The following BABAM2 variants were observed in gnomAD, a reference collection of about 807,000 sequenced individuals.
BABAM2 encodes the protein BRISC and BRCA1-A complex member 2.
In BABAM2, 31 loss-of-function variants were observed where a neutral mutation model predicts 54.7. The ratio of observed to expected loss-of-function variants is 0.57; its 90% CI spans 0.43 to 0.77. The LOEUF (loss-of-function observed/expected upper bound fraction) is 0.77. BABAM2 is among the 30% of genes least tolerant of loss of function. The pLI is 0.00. For synonymous variants in BABAM2, 167 were observed against 162.9 expected (o/e 1.03, Z -0.19); for missense variants, 364 against 455.8 (o/e 0.80, Z 1.83).
chr2:27,899,142 G>T (rs1034832566), intron 2 of BABAM2, among the ~76,000 whole-genome samples: 2 of 152,016 alleles, frequency 1.3e-5, no homozygotes, highest in Admixed American at 6.6e-5. Context: ...CATCAACCAG[G>T]AATGTTCATT....
chr2:28,213,946 TAA>T (rs374210606), intron 7 of BABAM2, among the ~76,000 whole-genome samples: 1 of 146,588 alleles, frequency 6.8e-6, no homozygotes, highest in African/African-American at 2.5e-5. Context: ...TAACTTGCTT[TAA>T]AAAAAAAAAA....
chr2:28,288,962 GTT>G (rs763643477), intron 10 of BABAM2, among the ~76,000 whole-genome samples: 1 of 132,580 alleles, frequency 7.5e-6, no homozygotes, highest in Admixed American at 7.5e-5. Flanking sequence ...GTGGGTTGTT[GTT>G]TTTTTTTTTT....
intron 7 of BABAM2, among the ~76,000 whole-genome samples, chr2:28,134,204 C>CA (rs11321296): frequency 1.0e-4 from 11 of 107,014 alleles, no homozygotes; most frequent in African/African-American, 3.7e-4. Flanking sequence ...GTGAGTTATG[C>CA]AAAAAAAAAA....
intron 2 of BABAM2, among the ~76,000 whole-genome samples, chr2:27,900,826 A>G (rs1415747982): frequency 2.0e-5 from 3 of 152,140 alleles, no homozygotes; most frequent in South Asian, 2.1e-4. Flanking sequence ...GGCATATCAC[A>G]AGGTCAGGAG....
intron 7 of BABAM2, among the ~76,000 whole-genome samples, chr2:28,146,259 C>A (rs887993792): frequency 3.3e-5 from 5 of 152,110 alleles, no homozygotes; most frequent in African/African-American, 1.2e-4. Context: ...TGATGATATT[C>A]TTTGAAGTCA....
chr2:27,985,979 G>A (rs1672369006), intron 3 of BABAM2, among the ~76,000 whole-genome samples: 1 of 152,104 alleles, frequency 6.6e-6, no homozygotes, highest in African/African-American at 2.4e-5. Context: ...ATTTATTAGG[G>A]TAGGCTTCAT....
At chr2:28,071,832 T>C (rs1344837854) in intron 6 of BABAM2, among the ~76,000 whole-genome samples, 1 of 152,232 alleles carries the variant, frequency 6.6e-6, no homozygotes, top group Non-Finnish European at 1.5e-5. Context: ...GGTTTCAACT[T>C]ACTGCAATTC....
intron 6 of BABAM2, among the ~76,000 whole-genome samples, chr2:28,086,402 G>T (rs1218818727): frequency 2.6e-5 from 4 of 151,922 alleles, no homozygotes; most frequent in Non-Finnish European, 5.9e-5. Context: ...AATTAATTTA[G>T]ACCTCAACGT....
rs147547063 is a variant in BABAM2 at position 28,252,404 on chromosome 2, T to C, written c.934+7542T>C. Among the ~76,000 whole-genome samples, 685 of 152,320 alleles carry C rather than the reference T, an allele frequency of 4.5e-3. 2 individuals are homozygous for C. Among genetic ancestry groups the C allele is most frequent in the Non-Finnish European group, 8.1e-3 (552 of 68,032 alleles). On this transcript the variant is annotated intron_variant, in intron 10 of 11. Transcript: ENST00000379624. The stretch of plus-strand genomic sequence containing the variant: ...TTTGGTTAATTTTTATACTGAGACT[T>C]CCTTGAAAGTGGTTAGCTCTACTAG...
intron 7 of BABAM2, among the ~76,000 whole-genome samples, chr2:28,176,655 C>A (rs1435076922): frequency 1.6e-5 from 2 of 128,996 alleles, no homozygotes; most frequent in Non-Finnish European, 3.3e-5. Flanking sequence ...AAAAACAATT[C>A]AGGATGTGAA....
intron 11 of BABAM2, among the ~76,000 whole-genome samples, chr2:28,320,121 A>G (rs1173342316): frequency 1.3e-5 from 2 of 152,246 alleles, no homozygotes; most frequent in Non-Finnish European, 2.9e-5. Context: ...AAACTTTGAA[A>G]GACTCCTGTC....
At chr2:28,224,456 A>C (rs1189661807) in intron 7 of BABAM2, among the ~76,000 whole-genome samples, 1 of 152,204 alleles carries the variant, frequency 6.6e-6, no homozygotes, top group African/African-American at 2.4e-5. Flanking sequence ...CAGTAAAATG[A>C]ATGTGTCTTT....
At position 27,930,947 on chromosome 2, in the gene BABAM2, T is replaced by C. The variant is rs575960875; in HGVS notation, c.205+1039T>C. ...AAATAAAGTACATGGATATTAAACA[T>C]GGAACAGATGGGTAAACCGCTTTTT... is the stretch of plus-strand genomic sequence containing the variant. On this transcript the variant is annotated intron_variant, in intron 3 of 11. Coordinates refer to ENST00000379624, the MANE Select transcript of BABAM2 (RefSeq NM_199191.3). 1.6e-4 allele frequency among the ~76,000 whole-genome samples: 25 copies of C among 152,340 alleles called. No individual in the cohort carries two copies. The East Asian group carries it at 3.9e-3, about 24-fold the overall frequency.
Position 28,304,801 on chromosome 2 carries a change from C to G in BABAM2, c.1088+6310C>G, listed in dbSNP as rs951658809. Among the ~76,000 whole-genome samples, 2 of 151,472 alleles carry G rather than the reference C, an allele frequency of 1.3e-5. No homozygotes were observed. Among genetic ancestry groups the G allele is most frequent in the African/African-American group, 4.9e-5 (2 of 41,200 alleles). On this transcript the variant is annotated intron_variant, in intron 11 of 11. Transcript: ENST00000379624. The surrounding 1 kb of genome is among the most constrained non-coding windows in gnomAD (Gnocchi z 4.0). Reference sequence around the variant, plus strand: ...TTTACCATGTTGCCCAGGCTGGTCTCGAACTCCTGAGCACAGGCAATCCAC... The same window carrying G: ...TTTACCATGTTGCCCAGGCTGGTCTGGAACTCCTGAGCACAGGCAATCCAC...
intron 11 of BABAM2, among the ~76,000 whole-genome samples, chr2:28,323,092 T>A (rs1309924277): frequency 6.6e-6 from 1 of 152,170 alleles, no homozygotes; most frequent in African/African-American, 2.4e-5. Flanking sequence ...AGCACGCAGC[T>A]CTCTCTGCTC....
intron 2 of BABAM2, among the ~76,000 whole-genome samples, chr2:27,908,990 T>C (rs1666388764): frequency 6.6e-6 from 1 of 152,180 alleles, no homozygotes; most frequent in Non-Finnish European, 1.5e-5. Flanking sequence ...ACAGTGGTTT[T>C]GGTTTGTATT....
intron 7 of BABAM2, among the ~76,000 whole-genome samples, chr2:28,134,215 A>T (rs1670343714): frequency 6.6e-6 from 1 of 152,130 alleles, no homozygotes; most frequent in African/African-American, 2.4e-5. Context: ...AAAAAAAAAA[A>T]AAAAAAGCTA....
intron 7 of BABAM2, 23 bp downstream of exon 7, chr2:28,129,403 A>C (rs770668783): frequency 7.0e-6 from 11 of 1,571,206 alleles, no homozygotes; most frequent in Admixed American, 5.0e-5. Flanking sequence ...AACATGAGGT[A>C]GCCTGGTGCT....
chr2:28,240,181 T>C (rs1573910041), intron 8 of BABAM2, among the ~76,000 whole-genome samples: 3 of 152,176 alleles, frequency 2.0e-5, no homozygotes, highest in East Asian at 3.9e-4. Flanking sequence ...GGTGCAGTGA[T>C]GCCTTCTAAG....
Sources: gnomAD v4.1 joint callset for allele counts (sites outside exome capture counted in the v4.1 genomes callset) on GRCh38, gnomAD v4.1.1 for gene constraint, Gnocchi (gnomAD v3.1) non-coding constraint, MANE v1.5 for transcripts, NCBI Gene and HGNC (gene_info 2026-07-23, HGNC 2026-07-21) for gene names.